Variants in DENND1A observed in about 807,000 individuals in gnomAD.
DENND1A encodes the protein DENN domain-containing protein 1A.
A neutral mutation model predicts 113.7 loss-of-function variants in DENND1A; 51 were observed. That is an observed-to-expected ratio of 0.45 (90% CI 0.36 to 0.57). The LOEUF is 0.57. Among genes scored for constraint, DENND1A ranks in the 20% least tolerant of loss-of-function variants. The pLI is 0.00. For synonymous variants in DENND1A, 565 were observed against 570.8 expected (o/e 0.99, Z 0.14); for missense variants, 1,258 against 1,395.9 (o/e 0.90, Z 1.57).
intron 1 of DENND1A, among the ~76,000 whole-genome samples, chr9:123,900,404 T>TA (rs1326066613): frequency 2.6e-5 from 4 of 152,030 alleles, no homozygotes; most frequent in African/African-American, 9.7e-5. Flanking sequence ...GCCCACACAC[T>TA]ATGAGAAAGA....
At chr9:123,524,378 A>G (rs1564648592) in intron 13 of DENND1A, among the ~76,000 whole-genome samples, 1 of 152,256 alleles carries the variant, frequency 6.6e-6, no homozygotes, top group African/African-American at 2.4e-5. Flanking sequence ...TATGATAGGA[A>G]TAAGTCCAGG....
chr9:123,810,165 T>C (rs368470754), intron 2 of DENND1A, among the ~76,000 whole-genome samples: 31 of 152,292 alleles, frequency 2.0e-4, no homozygotes, highest in African/African-American at 6.7e-4. Flanking sequence ...GGTAATTCTA[T>C]CTTAAAAGAT....
Position 123,538,855 on chromosome 9 carries a change from T to TATATACACAC in DENND1A, c.993+18714_993+18715insGTGTGTATAT, listed in dbSNP as rs1564676522. On this transcript the variant is annotated intron_variant, in intron 13 of 23. Transcript: ENST00000394215. ...ATATATATATATATATATATATATA[T>TATATACACAC]ATATGAATTCATACATATTTATGTA... Among the ~76,000 whole-genome samples, 5 of 101,288 alleles carry TATATACACAC rather than the reference T, an allele frequency of 4.9e-5. 1 individual carries two copies. The highest frequency in any genetic ancestry group is 1.0e-4 in the Non-Finnish European group (5 of 50,026). 66.4% of individuals were successfully genotyped at this position (101,288 alleles called of 152,430 possible). A position where few individuals can be genotyped will look rare whatever the true frequency, so the allele number is the denominator to read the frequency against.
intron 2 of DENND1A, among the ~76,000 whole-genome samples, chr9:123,803,665 A>G (rs1411740899): frequency 6.6e-6 from 1 of 152,138 alleles, no homozygotes; most frequent in South Asian, 2.1e-4. Context: ...CTCCTGTTTT[A>G]TTCATTTTAC....
chr9:123,547,813 A>G (rs2056799955), intron 13 of DENND1A, among the ~76,000 whole-genome samples: 1 of 152,192 alleles, frequency 6.6e-6, no homozygotes, highest in Admixed American at 6.5e-5. Flanking sequence ...CACTTGTTGA[A>G]CAAGTATGGA....
chr9:123,508,555 TAA>T (rs1232977876), intron 13 of DENND1A, among the ~76,000 whole-genome samples: 1 of 152,142 alleles, frequency 6.6e-6, no homozygotes, highest in Non-Finnish European at 1.5e-5. Flanking sequence ...TTTTGACAAA[TAA>T]AAAAAGACAA....
chr9:123,764,331 T>C lies in DENND1A; in HGVS notation c.182+5183A>G, dbSNP rs919250201. On this transcript the variant is annotated intron_variant, in intron 4 of 23. Coordinates refer to ENST00000394215, the MANE Select transcript of DENND1A (RefSeq NM_001352964.2). This position sits in a 1 kb window ranked among gnomAD's most constrained non-coding sequence, Gnocchi z 4.1. Reference sequence around the variant, plus strand: ...TCTATGTATTATAGCTTACCGACAATTATCTGTTGTCCATGGCAGGGCACC... The same window carrying C: ...TCTATGTATTATAGCTTACCGACAACTATCTGTTGTCCATGGCAGGGCACC... 2.0e-5 allele frequency among the ~76,000 whole-genome samples: 3 copies of C among 152,220 alleles called. No individual in the cohort carries two copies. Among genetic ancestry groups the C allele is most frequent in the Non-Finnish European group, 4.4e-5 (3 of 68,032 alleles).
chr9:123,402,663 G>A (rs1022339360), intron 21 of DENND1A: 33 of 531,934 alleles, frequency 6.2e-5, no homozygotes, highest in Admixed American at 4.5e-4. Flanking sequence ...GATAGAGACT[G>A]AGGGCTGTGC....
intron 9 of DENND1A, among the ~76,000 whole-genome samples, chr9:123,632,904 TA>T (rs1292845966): frequency 5.9e-5 from 9 of 151,322 alleles, no homozygotes; most frequent in African/African-American, 7.3e-5. Flanking sequence ...ATTATAATAA[TA>T]ATAATATTAT....
At chr9:123,823,765 G>A (rs1002426770) in intron 2 of DENND1A, among the ~76,000 whole-genome samples, 55 of 152,232 alleles carry the variant, frequency 3.6e-4, no homozygotes, top group African/African-American at 1.1e-3. Context: ...GAAGTCAGCC[G>A]GCTTGAGATA....
chr9:123,447,740 C>T (rs1459564680), intron 18 of DENND1A, among the ~76,000 whole-genome samples: 2 of 147,776 alleles, frequency 1.4e-5, no homozygotes, highest in Non-Finnish European at 3.0e-5. Flanking sequence ...TGGGGAGTCA[C>T]GAGGTACATT....
chr9:123,596,775 C>G (rs1175417618), intron 11 of DENND1A, among the ~76,000 whole-genome samples: 1 of 152,198 alleles, frequency 6.6e-6, no homozygotes, highest in East Asian at 1.9e-4. Context: ...TTCTTTTGTA[C>G]ACACTAAACT....
At chr9:123,890,798 T>C (rs1233060939) in intron 1 of DENND1A, among the ~76,000 whole-genome samples, 6 of 152,190 alleles carry the variant, frequency 3.9e-5, no homozygotes, top group Admixed American at 2.6e-4. Context: ...AGAGTCTATA[T>C]TCTTGAATTT....
intron 2 of DENND1A, among the ~76,000 whole-genome samples, chr9:123,847,943 A>G (rs1443057247): frequency 1.3e-5 from 2 of 152,218 alleles, no homozygotes; most frequent in Non-Finnish European, 2.9e-5. Flanking sequence ...CAAAAAAATA[A>G]AAAACAAAGA....
At chr9:123,638,077 T>A (rs929913113) in intron 9 of DENND1A, among the ~76,000 whole-genome samples, 1 of 152,062 alleles carries the variant, frequency 6.6e-6, no homozygotes, top group East Asian at 1.9e-4. Flanking sequence ...GCCTGCTTAA[T>A]CACTTCTCTC....
chr9:123,414,175 T>G, intron 19 of DENND1A: 1 of 1,020,938 alleles, frequency 9.8e-7, no homozygotes, highest in Non-Finnish European at 1.2e-6. Flanking sequence ...AGGCCCACGA[T>G]TTGACCATTC....
chr9:123,882,771 T>C (rs1298426144), intron 1 of DENND1A, among the ~76,000 whole-genome samples: 1 of 152,220 alleles, frequency 6.6e-6, no homozygotes, highest in African/African-American at 2.4e-5. Flanking sequence ...AAAGTTGTAG[T>C]CCTGGAGCTG....
chr9:123,929,007 G>T, intron 1 of DENND1A: 2 of 721,214 alleles, frequency 2.8e-6, no homozygotes, highest in Non-Finnish European at 3.4e-6. Context: ...CAGTTCTGGG[G>T]CAGAGGAAGG....
chr9:123,573,029 T>C (rs1396647574), intron 12 of DENND1A, among the ~76,000 whole-genome samples: 1 of 152,148 alleles, frequency 6.6e-6, no homozygotes, highest in Non-Finnish European at 1.5e-5. Context: ...TCCAGCACGT[T>C]TGTTGGAATA....
Sources: gnomAD v4.1 joint callset for allele counts (sites outside exome capture counted in the v4.1 genomes callset) on GRCh38, gnomAD v4.1.1 for gene constraint, Gnocchi (gnomAD v3.1) non-coding constraint, MANE v1.5 for transcripts, NCBI Gene and HGNC (gene_info 2026-07-23, HGNC 2026-07-21) for gene names.